Variants in RPS29 observed in about 807,000 individuals in gnomAD.
The protein encoded by RPS29 is ribosomal protein S29.
For missense variants in RPS29, 60 were observed against 75.7 expected, an observed-to-expected ratio of 0.79 and a Z score of 0.77; for synonymous variants, 37 against 26.9, an observed-to-expected ratio of 1.37 and a Z score of -1.16.
intron 1 of RPS29, 68 bp from the exon 2 acceptor site, chr14:49,586,117 T>C (rs961335336): frequency 3.4e-6 from 5 of 1,463,092 alleles, no homozygotes; most frequent in Non-Finnish European, 3.8e-6. Context: ...AGACGGCTAC[T>C]ACCCGCATCC....
At chr14:49,596,276 A>C (rs72678065) in intron 1 of RPS29, among the ~76,000 whole-genome samples, 1 of 151,966 alleles carries the variant, frequency 6.6e-6, no homozygotes, top group Admixed American at 6.6e-5. Flanking sequence ...TCTAAATGTT[A>C]TATCTTTTAT....
exon 3 of RPS29, chr14:49,576,392 T>C (rs923037210): frequency 1.3e-5 from 2 of 152,128 alleles, no homozygotes; most frequent in African/African-American, 2.4e-5. Context: ...CATGAGCCAC[T>C]TTGCCTGGCC....
chr14:49,598,547 G>A, exon 1 of RPS29: 1 of 702,332 alleles, frequency 1.4e-6, no homozygotes, highest in South Asian at 1.5e-5. Context: ...GCCCTCGCTG[G>A]CTTACGGGGC....
At position 49,598,266 on chromosome 14, in the gene RPS29, G is replaced by C. The variant is rs988299951; in HGVS notation, c.-133+134C>G. The C allele has an allele frequency of 1.2e-5, 7 of 592,360 alleles. No individual in the cohort carries two copies. The African/African-American group carries it at 1.3e-4, about 11-fold the overall frequency. The allele number at this position is 592,360 out of a possible 1,614,324, so 36.7% of individuals were successfully genotyped here. On this transcript the variant is annotated intron_variant, in intron 1 of 3. Transcript: ENST00000556230. ...CCTGCTTAACATTTGCTCCCCAGGC[G>C]CTTCCCACTCCCCAGCCGGGCCCCG...
chr14:49,571,409 G>GC (rs1373049478), exon 3 of RPS29: 2 of 152,090 alleles, frequency 1.3e-5, no homozygotes, highest in African/African-American at 4.8e-5. Context: ...TTCCTAGGAG[G>GC]CAGACTCAAA....
upstream of RPS29, chr14:49,586,595 G>T (rs867043647): frequency 1.9e-6 from 1 of 528,310 alleles, no homozygotes; most frequent in Middle Eastern, 4.3e-4. Context: ...GCGCGGTGGC[G>T]CGTGCCTGTA....
At chr14:49,589,679 T>A (rs1881671366), upstream of RPS29, among the ~76,000 whole-genome samples, 1 of 152,244 alleles carries the variant, frequency 6.6e-6, no homozygotes, top group Non-Finnish European at 1.5e-5. Context: ...ATCCCATTAC[T>A]GGATATATAC....
chr14:49,584,162 AG>A (rs1881434206), intron 2 of RPS29, among the ~76,000 whole-genome samples: 1 of 152,212 alleles, frequency 6.6e-6, no homozygotes, highest in Admixed American at 6.5e-5. Context: ...TTGTAGAAAC[AG>A]GTTTTCGCCA....
chr14:49,594,180 C>T (rs974069398), intron 1 of RPS29, among the ~76,000 whole-genome samples: 4 of 152,154 alleles, frequency 2.6e-5, no homozygotes, highest in African/African-American at 9.7e-5. Context: ...ACAACAGCCT[C>T]CTAACTGATA....
upstream of RPS29, among the ~76,000 whole-genome samples, chr14:49,591,110 ATATTT>A (rs111381819): frequency 8.2e-3 from 1,249 of 152,334 alleles, 15 homozygotes; most frequent in African/African-American, 0.029. Flanking sequence ...TGTACATATT[ATATTT>A]TAAAGTAAAA....
intron 1 of RPS29, 39 bp from the exon 2 acceptor site, chr14:49,586,088 A>C (rs1288156933): frequency 6.4e-7 from 1 of 1,564,398 alleles, no homozygotes; most frequent in Admixed American, 1.7e-5. Flanking sequence ...GGTCATAGAA[A>C]TTACAAGACT....
At chr14:49,575,441 C>A (rs1019085667) in exon 3 of RPS29, 1 of 152,204 alleles carries the variant, frequency 6.6e-6, no homozygotes, top group Non-Finnish European at 1.5e-5. Context: ...TTCAATATTT[C>A]TGTCCCACAA....
At chr14:49,591,862 C>T (rs567775163) in intron 1 of RPS29, among the ~76,000 whole-genome samples, 5 of 152,022 alleles carry the variant, frequency 3.3e-5, no homozygotes, top group Admixed American at 6.6e-5. Flanking sequence ...CCTCATGATC[C>T]GCCTGCCTCG....
upstream of RPS29, among the ~76,000 whole-genome samples, chr14:49,589,636 A>C (rs1432822541): frequency 1.3e-5 from 2 of 152,248 alleles, no homozygotes; most frequent in African/African-American, 4.8e-5. Context: ...GATTTCTTAA[A>C]GAATTTAAAA....
chr14:49,597,141 C>T (rs1594580071), intron 1 of RPS29, among the ~76,000 whole-genome samples: 3 of 152,188 alleles, frequency 2.0e-5, no homozygotes, highest in African/African-American at 7.2e-5. Context: ...CTCCAACTCC[C>T]GACCTCAGGC....
chr14:49,586,152 G>T, intron 1 of RPS29, 103 bp from the exon 2 acceptor site: 1 of 1,377,166 alleles, frequency 7.3e-7, no homozygotes, highest in Non-Finnish European at 1.0e-6. Flanking sequence ...CACAGTACAG[G>T]CCTGTAATGG....
intron 1 of RPS29, among the ~76,000 whole-genome samples, chr14:49,591,659 C>A (rs1881714013): frequency 7.7e-6 from 1 of 129,676 alleles, no homozygotes; most frequent in Non-Finnish European, 1.6e-5. Flanking sequence ...CTTGCTCTGT[C>A]AGCCAGGATG....
exon 3 of RPS29, chr14:49,575,703 T>C (rs571535056): frequency 2.8e-4 from 42 of 152,152 alleles, no homozygotes; most frequent in African/African-American, 9.9e-4. Context: ...TTATAAAAAT[T>C]AGCTGGGCAT....
chr14:49,584,741 AAC>A (rs1169521512), intron 2 of RPS29, among the ~76,000 whole-genome samples: 6 of 151,568 alleles, frequency 4.0e-5, no homozygotes, highest in African/African-American at 1.5e-4. Context: ...CAGCCTGGGA[AAC>A]AGAGGGAGAC....
Sources: allele counts gnomAD v4.1 joint callset (sites outside exome capture counted in the v4.1 genomes callset), GRCh38; gene constraint gnomAD v4.1.1; transcripts MANE v1.5; gene names NCBI Gene and HGNC (gene_info 2026-07-23, HGNC 2026-07-21).